Variants in SOBP observed in about 807,000 individuals in gnomAD.
SOBP encodes the protein sine oculis binding protein homolog, also known as sine oculis-binding protein homolog.
A neutral mutation model predicts 53.6 loss-of-function variants in SOBP; 4 were observed. The ratio of observed to expected loss-of-function variants is 0.07; its 90% CI spans 0.04 to 0.17. The LOEUF (loss-of-function observed/expected upper bound fraction) is 0.17, where lower values mean the gene tolerates loss of function less well. Ranked by LOEUF, SOBP falls within the 10% of genes least tolerant of loss-of-function variation. SOBP has a pLI of 1.00. For missense variants in SOBP, 1,088 were observed against 1,204.7 expected (o/e 0.90, Z 1.43); for synonymous variants, 584 against 522.6 (o/e 1.12, Z -1.60).
At position 107,506,271 on chromosome 6, in the gene SOBP, G is replaced by C. The variant is rs200006380; in HGVS notation, c.265G>C (p.Glu89Gln). 5.6e-6 allele frequency: 9 copies of C among 1,614,012 alleles called. No individual in the cohort carries two copies. The South Asian group carries it at 8.8e-5, about 16-fold the overall frequency. The change falls in exon 3 of 7, where the codon GAG becomes CAG. Residue 89 changes from glutamate (E) to glutamine (Q), a missense_variant. Transcript: ENST00000317357. ...TTCTTTGCCAAAACCAAAATTACCC[G>C]AGGACAGTGTTATTTCACCATACAA... ...ENSLPKPKLP[E>Q]DSVISPYNIS...
At chr6:107,595,402 T>C (rs1320672341) in intron 5 of SOBP, among the ~76,000 whole-genome samples, 1 of 137,142 alleles carries the variant, frequency 7.3e-6, no homozygotes. Context: ...TTAAAAAAGC[T>C]TGAACTATTT....
intron 2 of SOBP, among the ~76,000 whole-genome samples, chr6:107,505,630 AGTTTT>A (rs541414130): frequency 2.7e-5 from 4 of 149,520 alleles, no homozygotes; most frequent in Admixed American, 6.7e-5. Flanking sequence ...GTCACCTCTC[AGTTTT>A]GTTTTGTTTT....
In SOBP at chr6:107,503,746, G is replaced by T. The variant is rs1407089636; in HGVS notation, c.186G>T (p.Arg62Ser). Reference sequence around the variant, plus strand: ...AAGATGGTGAGGATATTGAATTCAGGAGCTACCCTACAGATGGGGAGAGCC... The same window carrying T: ...AAGATGGTGAGGATATTGAATTCAGTAGCTACCCTACAGATGGGGAGAGCC... ...ELKDGEDIEFRSYPTDGESRQ... is the reference protein window; with the variant it reads ...ELKDGEDIEFSSYPTDGESRQ... The change falls in exon 2 of 7, where the codon AGG (arginine) becomes AGT (serine). Residue 62 changes from arginine (R) to serine (S), a missense_variant. Physicochemically the swap from Arg to Ser is moderately radical, Grantham distance 110. This residue lies in a region of SOBP where 112 missense variants were observed against 117.9 expected (regional missense o/e 0.95). Transcript: ENST00000317357. 2 of 1,614,154 alleles carry T rather than the reference G, an allele frequency of 1.2e-6. No homozygotes were observed. The highest frequency in any genetic ancestry group is 2.7e-5 in the African/African-American group (2 of 75,038).
intron 5 of SOBP, 150 bp downstream of exon 5, chr6:107,587,325 ATTAATT>A (rs1785598266): frequency 1.5e-6 from 1 of 674,436 alleles, no homozygotes; most frequent in Non-Finnish European, 2.6e-6. Context: ...ATCACTGAAT[ATTAATT>A]TTAAGATCTC....
intron 4 of SOBP, among the ~76,000 whole-genome samples, chr6:107,577,270 C>G (rs1785251086): frequency 6.6e-6 from 1 of 152,252 alleles, no homozygotes; most frequent in Non-Finnish European, 1.5e-5. Flanking sequence ...CCAACTTGAG[C>G]TAATTAGCCA....
chr6:107,527,695 C>T (rs1302841298), intron 3 of SOBP, among the ~76,000 whole-genome samples: 2 of 152,238 alleles, frequency 1.3e-5, no homozygotes, highest in Non-Finnish European at 2.9e-5. Context: ...TTAGTACTTT[C>T]ACCAAGGTCC....
chr6:107,568,237 A>G (rs902426619), intron 4 of SOBP, among the ~76,000 whole-genome samples: 13 of 152,228 alleles, frequency 8.5e-5, no homozygotes, highest in Admixed American at 7.9e-4. Context: ...AAAACAAAAC[A>G]AAGAAAAATA....
intron 5 of SOBP, among the ~76,000 whole-genome samples, chr6:107,607,603 G>A (rs550549107): frequency 7.2e-5 from 11 of 152,174 alleles, no homozygotes; most frequent in Non-Finnish European, 1.2e-4. Flanking sequence ...ATAAGCAATA[G>A]GAAAAAATGA....
chr6:107,594,727 T>C (rs1785881292), intron 5 of SOBP, among the ~76,000 whole-genome samples: 1 of 152,228 alleles, frequency 6.6e-6, no homozygotes, highest in Non-Finnish European at 1.5e-5. Context: ...GAACAAGCAC[T>C]GTGATCTGTC....
Position 107,610,177 on chromosome 6 carries a change from G to T in SOBP, c.669+23002G>T, listed in dbSNP as rs559037597. ...AGGTGTCAGGCATTTGGGAGGAGCTGCGAGTAGAAGGGGAATGAAATGGAT... is the reference window on the plus strand; with the variant it reads ...AGGTGTCAGGCATTTGGGAGGAGCTTCGAGTAGAAGGGGAATGAAATGGAT... On this transcript the variant is annotated intron_variant, in intron 5 of 6. Coordinates refer to ENST00000317357, the MANE Select transcript of SOBP (RefSeq NM_018013.4). Among the ~76,000 whole-genome samples the T allele has an allele frequency of 3.3e-5, 5 of 152,284 alleles. No individual in the cohort carries two copies. The East Asian group carries it at 9.7e-4, about 29-fold the overall frequency.
At chr6:107,535,752 T>C in intron 4 of SOBP, among the ~76,000 whole-genome samples, 1 of 152,074 alleles carries the variant, frequency 6.6e-6, no homozygotes, top group South Asian at 2.1e-4. Context: ...ACAATAAACA[T>C]GTACAGCTGC....
chr6:107,542,200 A>C (rs905753739), intron 4 of SOBP, among the ~76,000 whole-genome samples: 2 of 152,204 alleles, frequency 1.3e-5, no homozygotes, highest in Non-Finnish European at 2.9e-5. Context: ...CTGCTGTTTC[A>C]TATCTGAGGA....
chr6:107,519,729 A>G (rs1783424768), intron 3 of SOBP, among the ~76,000 whole-genome samples: 1 of 152,166 alleles, frequency 6.6e-6, no homozygotes, highest in Admixed American at 6.5e-5. Flanking sequence ...ATACACTCCA[A>G]AGAATTACCT....
Position 107,524,974 on chromosome 6 carries a change from A to G in SOBP, c.422-8485A>G, listed in dbSNP as rs531339941. Among the ~76,000 whole-genome samples the G allele has an allele frequency of 7.2e-5, 11 of 152,354 alleles. No individual in the cohort carries two copies. The East Asian group carries it at 1.7e-3, about 24-fold the overall frequency. Reference sequence around the variant, plus strand: ...TCTTAATTGTACATTGGTGGAAACAAAATGTCCTGCTGTAAAAAGCCTGTT... The same window carrying G: ...TCTTAATTGTACATTGGTGGAAACAGAATGTCCTGCTGTAAAAAGCCTGTT... On this transcript the variant is annotated intron_variant, in intron 3 of 6. Transcript: ENST00000317357.
At chr6:107,571,843 A>T (rs969679694) in intron 4 of SOBP, among the ~76,000 whole-genome samples, 15 of 152,220 alleles carry the variant, frequency 9.9e-5, no homozygotes, top group African/African-American at 3.6e-4. Flanking sequence ...CTTTGTAAGC[A>T]TCAGATTCTA....
At chr6:107,644,649 T>G (rs1263805480) in intron 6 of SOBP, among the ~76,000 whole-genome samples, 1 of 152,134 alleles carries the variant, frequency 6.6e-6, no homozygotes, top group Non-Finnish European at 1.5e-5. Context: ...AACTTTCTGG[T>G]AAGAATGGGG....
intron 3 of SOBP, among the ~76,000 whole-genome samples, chr6:107,508,350 G>A (rs764462004): frequency 2.6e-5 from 4 of 152,116 alleles, no homozygotes; most frequent in Non-Finnish European, 5.9e-5. Flanking sequence ...AGGCCAAGGC[G>A]GGTGGATCAC....
chr6:107,647,083 G>A (rs1771592248), intron 6 of SOBP, among the ~76,000 whole-genome samples: 1 of 152,174 alleles, frequency 6.6e-6, no homozygotes, highest in African/African-American at 2.4e-5. Context: ...TTGAAAACTG[G>A]CTGGGTCACT....
chr6:107,555,411 G>T (rs140640890), intron 4 of SOBP, among the ~76,000 whole-genome samples: 4 of 152,254 alleles, frequency 2.6e-5, no homozygotes, highest in Admixed American at 6.5e-5. Flanking sequence ...TGCCAAATCT[G>T]AGTATTTTTT....
Sources: allele counts gnomAD v4.1 joint callset (sites outside exome capture counted in the v4.1 genomes callset), GRCh38; gene constraint gnomAD v4.1.1; regional missense constraint gnomAD v4.1.1; transcripts MANE v1.5; gene names NCBI Gene and HGNC (gene_info 2026-07-23, HGNC 2026-07-21).